Variants in TRABD2A observed in about 807,000 individuals in gnomAD.
The protein encoded by TRABD2A is TraB domain containing 2A, also known as metalloprotease TIKI1.
In TRABD2A, 43 loss-of-function variants were observed where a neutral mutation model predicts 45.6. The observed-to-expected ratio is 0.94, with a 90% CI of 0.74 to 1.22. The LOEUF is 1.22. Among genes scored for constraint, TRABD2A ranks in the 50% most tolerant of loss-of-function variants. The pLI is 0.00. For synonymous variants in TRABD2A, 269 were observed against 265.0 expected, an observed-to-expected ratio of 1.02 and a Z score of -0.15; for missense variants, 642 against 652.4, an observed-to-expected ratio of 0.98 and a Z score of 0.17.
At chr2:84,879,938 G>C (rs975685781) in intron 1 of TRABD2A, among the ~76,000 whole-genome samples, 2 of 152,180 alleles carry the variant, frequency 1.3e-5, no homozygotes, top group African/African-American at 2.4e-5. Context: ...GAGCTGCGCA[G>C]GTGTCATCAA....
intron 5 of TRABD2A, among the ~76,000 whole-genome samples, chr2:84,826,671 A>G (rs1681155217): frequency 6.6e-6 from 1 of 152,226 alleles, no homozygotes; most frequent in African/African-American, 2.4e-5. Flanking sequence ...AGCTGGGATT[A>G]CAGGCACATG....
At chr2:84,831,552 GAAAT>G (rs1304479539) in intron 5 of TRABD2A, among the ~76,000 whole-genome samples, 1 of 151,520 alleles carries the variant, frequency 6.6e-6, no homozygotes, top group Non-Finnish European at 1.5e-5. Flanking sequence ...AAAAGAGAGA[GAAAT>G]AAACCTAGGG....
intron 2 of TRABD2A, among the ~76,000 whole-genome samples, chr2:84,860,067 C>T (rs1432439109): frequency 1.1e-4 from 16 of 152,128 alleles, no homozygotes; most frequent in Non-Finnish European, 1.3e-4. Flanking sequence ...CACAGCTGGA[C>T]ACTCTCCTCC....
intron 2 of TRABD2A, among the ~76,000 whole-genome samples, chr2:84,842,726 CAA>C (rs554936599): frequency 1.6e-4 from 16 of 101,338 alleles, no homozygotes; most frequent in Non-Finnish European, 1.7e-4. Context: ...GACTCTGTCT[CAA>C]AAAAAAAAAA....
rs773927512 is a variant in TRABD2A at position 84,863,239 on chromosome 2, C to CTTTTTTTT, written c.669+6978_669+6985dup. Among the ~76,000 whole-genome samples the CTTTTTTTT allele has an allele frequency of 1.7e-3, 167 of 98,132 alleles. 8 individuals are homozygous for CTTTTTTTT. Among genetic ancestry groups the CTTTTTTTT allele is most frequent in the South Asian group, 0.013 (40 of 2,978 alleles). The allele number at this position is 98,132 out of a possible 152,430, so 64.4% of individuals were successfully genotyped here. On this transcript the variant is annotated intron_variant, in intron 2 of 6. Coordinates refer to ENST00000409520, the MANE Select transcript of TRABD2A (RefSeq NM_001277053.2). ...CCAAAAGGTTAGACTTCATGTGAATCTTTTTTTTTTTTTTTTTTTTTTTGA... is the reference window on the plus strand; with the variant it reads ...CCAAAAGGTTAGACTTCATGTGAATCTTTTTTTTTTTTTTTTTTTTTTTTTTTTTTTGA...
rs772952387 is a variant in TRABD2A at position 84,824,117 on chromosome 2, T to A, written c.1170A>T (p.Glu390Asp). The change falls in exon 6 of 7, where the codon GAA becomes GAT. Residue 390 changes from glutamate to aspartate, a missense_variant. Physicochemically the swap from Glu to Asp is conservative, Grantham distance 45. Transcript: ENST00000409520. Reference protein sequence around the residue: ...KVPTLEVPAPEAVSSGHSTLP... With the variant: ...KVPTLEVPAPDAVSSGHSTLP... ...GCGTTGAGTGCCCTGAGGATACGGC[T>A]TCTGGTGCCGGTACTTCCAGGGTAG... 6.2e-7 allele frequency: 1 copy of A among 1,613,978 alleles called. No individual in the cohort carries two copies. Among genetic ancestry groups the A allele is most frequent in the Non-Finnish European group, 8.5e-7 (1 of 1,179,868 alleles).
rs989269405 is a variant in TRABD2A at position 84,870,093 on chromosome 2, C to T, written c.669+132G>A. On this transcript the variant is annotated intron_variant, in intron 2 of 6. Coordinates refer to ENST00000409520, the MANE Select transcript of TRABD2A (RefSeq NM_001277053.2). ...GACCACTTGGCTTTTTTTTTAACCC[C>T]CGGAAAAGCATTTTTAAGCAAAGAC... 7.3e-5 allele frequency: 70 copies of T among 959,766 alleles called. No individual in the cohort carries two copies. In the African/African-American group the frequency reaches 1.1e-3, roughly 15 times the overall value. 59.5% of individuals were successfully genotyped at this position (959,766 alleles called of 1,614,324 possible).
intron 2 of TRABD2A, among the ~76,000 whole-genome samples, chr2:84,867,152 T>C (rs1397365537): frequency 6.8e-6 from 1 of 147,132 alleles, no homozygotes; most frequent in Non-Finnish European, 1.5e-5. Context: ...GGAAGTTACA[T>C]GAAAAAAAGA....
At chr2:84,839,055 T>A (rs1417520435) in intron 4 of TRABD2A, 94 bp downstream of exon 4, 1 of 1,433,308 alleles carries the variant, frequency 7.0e-7, no homozygotes, top group African/African-American at 1.4e-5. Flanking sequence ...GCTTCATGAC[T>A]AACACAGGCC....
chr2:84,847,007 G>C (rs1024455570), intron 2 of TRABD2A, among the ~76,000 whole-genome samples: 1 of 152,238 alleles, frequency 6.6e-6, no homozygotes, highest in African/African-American at 2.4e-5. Context: ...GGCTGCCCTG[G>C]AGGGAAGCTG....
rs377242955 is a variant in TRABD2A at position 84,822,096 on chromosome 2, T to C, written c.1339A>G (p.Ile447Val). 39 of 1,568,748 alleles carry C rather than the reference T, an allele frequency of 2.5e-5. No homozygotes were observed. The Middle Eastern group carries it at 5.3e-4, about 21-fold the overall frequency. Residue 447 changes from isoleucine (I) to valine (V), a missense_variant, in exon 7 of 7, where the codon ATA becomes GTA. Transcript: ENST00000409520. ...ACAGGGACCTGGAGTTGCGGGACTATGTCACTAGGAGGCAAAGAGAAAGAC... is the reference window on the plus strand; with the variant it reads ...ACAGGGACCTGGAGTTGCGGGACTACGTCACTAGGAGGCAAAGAGAAAGAC... The part of the protein sequence containing the change: ...DLWVRLEESD[I>V]VPQLQVPVLD...
intron 1 of TRABD2A, among the ~76,000 whole-genome samples, chr2:84,879,294 C>T (rs1046024572): frequency 2.6e-5 from 4 of 152,014 alleles, no homozygotes; most frequent in African/African-American, 4.8e-5. Context: ...TTTCCTTCCA[C>T]CTCAGTCTCT....
At chr2:84,823,566 G>A (rs1346891916) in intron 6 of TRABD2A, among the ~76,000 whole-genome samples, 2 of 152,146 alleles carry the variant, frequency 1.3e-5, no homozygotes, top group African/African-American at 2.4e-5. Context: ...TTACAATGTG[G>A]GGGTTAAACA....
Position 84,880,934 on chromosome 2 carries a change from G to C in TRABD2A, c.106C>G (p.Gln36Glu). The C allele has an allele frequency of 6.3e-7, 1 of 1,592,778 alleles. No homozygotes were observed. Among genetic ancestry groups the C allele is most frequent in the Admixed American group, 1.8e-5 (1 of 57,082 alleles). Residue 36 changes from glutamine (Q) to glutamate (E), a missense_variant and splice_region_variant, in exon 1 of 7, where the codon CAA becomes GAA. Transcript: ENST00000409520. ...CCAGCACCCGACGCGCGCCTTACTT[G>C]GGGCTTGAGCTCGCAGTTGGCGGTG... ...PGTANCELKP[Q>E]QSELNSFLWT...
At chr2:84,864,114 A>G (rs6547579) in intron 2 of TRABD2A, among the ~76,000 whole-genome samples, 74 of 152,130 alleles carry the variant, frequency 4.9e-4, no homozygotes, top group African/African-American at 1.8e-3. Flanking sequence ...GGCAGCATTC[A>G]GTGTAGGTGC....
intron 1 of TRABD2A, among the ~76,000 whole-genome samples, chr2:84,880,620 G>A (rs1373631738): frequency 6.6e-6 from 1 of 152,230 alleles, no homozygotes; most frequent in Non-Finnish European, 1.5e-5. Context: ...GTACTCCCTG[G>A]CGGATCCGTC....
intron 5 of TRABD2A, 88 bp from the exon 6 acceptor site, chr2:84,824,292 G>T: frequency 1.3e-6 from 2 of 1,521,452 alleles, no homozygotes; most frequent in Non-Finnish European, 1.8e-6. Flanking sequence ...AGGGTTTCAA[G>T]ACAAAGGCAG....
chr2:84,835,755 CTAATG>C lies in TRABD2A; in HGVS notation c.991+3389_991+3393del, dbSNP rs1353470112. On this transcript the variant is annotated intron_variant, in intron 4 of 6. Transcript: ENST00000409520. ...CTGAGTCTTTACATGGCAGGAGGGG[CTAATG>C]CTATATCTTCACATGGTGGAAGGCA... Among the ~76,000 whole-genome samples, 1,022 of 152,194 alleles carry C rather than the reference CTAATG, an allele frequency of 6.7e-3. 17 individuals are homozygous for C. The highest frequency in any genetic ancestry group is 0.024 in the African/African-American group (991 of 41,514).
At chr2:84,863,756 C>A (rs529085625) in intron 2 of TRABD2A, among the ~76,000 whole-genome samples, 25 of 151,762 alleles carry the variant, frequency 1.6e-4, no homozygotes, top group Admixed American at 1.4e-3. Context: ...GGACAACAGG[C>A]GCCCGCCACC....
Sources: allele counts gnomAD v4.1 joint callset (sites outside exome capture counted in the v4.1 genomes callset), GRCh38; gene constraint gnomAD v4.1.1; transcripts MANE v1.5; gene names NCBI Gene and HGNC (gene_info 2026-07-23, HGNC 2026-07-21).